Variants in PPP2R2C observed in about 807,000 individuals in gnomAD.
The protein encoded by PPP2R2C is protein phosphatase 2 regulatory subunit Bgamma.
Under a neutral mutation model 45.3 loss-of-function variants are expected in PPP2R2C, and 10 were observed. The ratio of observed to expected loss-of-function variants is 0.22; its 90% confidence interval spans 0.14 to 0.37. The LOEUF is 0.37. Among genes scored for constraint, PPP2R2C ranks in the 10% least tolerant of loss-of-function variants. The probability of loss-of-function intolerance (pLI) is 1.00; values close to 1 mark genes in which losing one functional copy is unlikely to be tolerated. For missense variants in PPP2R2C, 308 were observed against 619.7 expected (o/e 0.50, Z 5.34); for synonymous variants, 257 against 245.4 (o/e 1.05, Z -0.44).
chr4:6,370,318 A>G (rs1311657284), intron 5 of PPP2R2C, among the ~76,000 whole-genome samples: 1 of 152,242 alleles, frequency 6.6e-6, no homozygotes, highest in Non-Finnish European at 1.5e-5. Flanking sequence ...CTGAGCACCA[A>G]GTGAGACAAC....
At chr4:6,436,738 ACC>A (rs1719916790) in intron 1 of PPP2R2C, among the ~76,000 whole-genome samples, 1 of 152,158 alleles carries the variant, frequency 6.6e-6, no homozygotes, top group African/African-American at 2.4e-5. Flanking sequence ...CAACTACTCA[ACC>A]CTGCTGTTGT....
chr4:6,455,837 C>A (rs1415261177), intron 1 of PPP2R2C, among the ~76,000 whole-genome samples: 1 of 152,182 alleles, frequency 6.6e-6, no homozygotes, highest in Non-Finnish European at 1.5e-5. Flanking sequence ...GCCCCCTCCC[C>A]CTGCTGCCTA....
intron 1 of PPP2R2C, chr4:6,421,091 C>A: frequency 1.0e-6 from 1 of 985,254 alleles, no homozygotes; most frequent in African/African-American, 1.7e-5. Flanking sequence ...GAGGCCACAC[C>A]TTTCTCTCTG....
rs573793541 is a variant in PPP2R2C, at chr4:6,364,606, T to C, written c.625+7917A>G. 6.6e-6 allele frequency among the ~76,000 whole-genome samples: 1 copy of C among 152,130 alleles called. No homozygotes were observed. The highest frequency in any genetic ancestry group is 2.4e-5 in the African/African-American group (1 of 41,498). On this transcript the variant is annotated intron_variant, in intron 5 of 8. Coordinates refer to ENST00000382599, the MANE Select transcript of PPP2R2C (RefSeq NM_020416.4). The surrounding 1 kb of genome is among the most constrained non-coding windows in gnomAD (Gnocchi z 5.3). ...GGCACTGCCCTAAAGGCTTCCCAGA[T>C]GTCATCGTAGCACCCAGTCCTCAAG...
chr4:6,436,792 TGACTGCA>T, intron 1 of PPP2R2C, among the ~76,000 whole-genome samples: 5 of 152,240 alleles, frequency 3.3e-5, no homozygotes, highest in African/African-American at 1.2e-4. Context: ...CACATAGGTG[TGACTGCA>T]TCTTCATTTA....
At chr4:6,538,511 A>C (rs1724704784) in intron 1 of PPP2R2C, among the ~76,000 whole-genome samples, 1 of 151,172 alleles carries the variant, frequency 6.6e-6, no homozygotes, top group South Asian at 2.1e-4. Context: ...GGAAGGGAAC[A>C]AAATCAATCC....
chr4:6,506,850 G>A (rs139934920), intron 2 of PPP2R2C, among the ~76,000 whole-genome samples: 73 of 152,322 alleles, frequency 4.8e-4, no homozygotes, highest in African/African-American at 1.8e-3. Flanking sequence ...CTGGCCATCA[G>A]CTGGGAGTTC....
At chr4:6,350,739 A>G (rs1382961694) in intron 5 of PPP2R2C, 2 of 985,240 alleles carry the variant, frequency 2.0e-6, no homozygotes, top group East Asian at 1.1e-4. Flanking sequence ...CTGCCAATGA[A>G]TAGACAAGTG....
At chr4:6,553,491 C>T (rs531490829) in intron 1 of PPP2R2C, among the ~76,000 whole-genome samples, 4 of 152,354 alleles carry the variant, frequency 2.6e-5, no homozygotes, top group East Asian at 1.9e-4. Flanking sequence ...TTGAGGGAGA[C>T]GCCACTTCAG....
chr4:6,480,327 A>C (rs1163884276), intron 2 of PPP2R2C, among the ~76,000 whole-genome samples: 1 of 152,182 alleles, frequency 6.6e-6, no homozygotes, highest in Non-Finnish European at 1.5e-5. Context: ...AAAACAATCA[A>C]TGGTGTGCCG....
chr4:6,344,322 C>A (rs1020952710), intron 6 of PPP2R2C, among the ~76,000 whole-genome samples: 1 of 152,224 alleles, frequency 6.6e-6, no homozygotes, highest in Admixed American at 6.5e-5. Flanking sequence ...ATTTCTCGCA[C>A]TGTTGAGTTC....
intron 2 of PPP2R2C, among the ~76,000 whole-genome samples, chr4:6,488,765 T>C (rs2108783915): frequency 6.8e-6 from 1 of 147,406 alleles, no homozygotes; most frequent in Non-Finnish European, 1.5e-5. Context: ...AAATTATCAA[T>C]CTAGGACTAA....
At chr4:6,421,517 TC>T (rs1345487746) in intron 1 of PPP2R2C, among the ~76,000 whole-genome samples, 1 of 152,144 alleles carries the variant, frequency 6.6e-6, no homozygotes, top group Non-Finnish European at 1.5e-5. Context: ...CTGAGTGTCA[TC>T]CGCTTTGCAC....
At chr4:6,409,711 T>C (rs2109364720) in intron 1 of PPP2R2C, among the ~76,000 whole-genome samples, 1 of 152,230 alleles carries the variant, frequency 6.6e-6, no homozygotes, top group East Asian at 1.9e-4. Flanking sequence ...CTGGAGACAC[T>C]AAGGTTGGTC....
intron 2 of PPP2R2C, among the ~76,000 whole-genome samples, chr4:6,511,759 GTGGTGA>G (rs1723545013): frequency 2.0e-5 from 1 of 49,338 alleles, no homozygotes; most frequent in African/African-American, 6.9e-5. Context: ...GGCAATGGTG[GTGGTGA>G]TGGTGATGGT....
At chr4:6,362,480 G>A (rs1261011025) in intron 5 of PPP2R2C, among the ~76,000 whole-genome samples, 1 of 152,232 alleles carries the variant, frequency 6.6e-6, no homozygotes, top group Non-Finnish European at 1.5e-5. Context: ...GCTACTGACA[G>A]CCATGCTCAT....
At chr4:6,396,177 C>T (rs564286955) in intron 1 of PPP2R2C, among the ~76,000 whole-genome samples, 4 of 152,308 alleles carry the variant, frequency 2.6e-5, no homozygotes, top group Admixed American at 1.3e-4. Context: ...CAGGAGCAGG[C>T]TGCTTCTCTG....
chr4:6,467,665 G>C (rs1721660525), intron 1 of PPP2R2C, among the ~76,000 whole-genome samples: 1 of 152,194 alleles, frequency 6.6e-6, no homozygotes, highest in Non-Finnish European at 1.5e-5. Flanking sequence ...TGGTTTTCTT[G>C]ATAAGCAGTC....
At chr4:6,476,225 C>G (rs1722139468), upstream of PPP2R2C, among the ~76,000 whole-genome samples, 1 of 152,224 alleles carries the variant, frequency 6.6e-6, no homozygotes, top group African/African-American at 2.4e-5. Context: ...ATCTAACCAC[C>G]AAGTCAGGAA....
Sources: allele counts gnomAD v4.1 joint callset (sites outside exome capture counted in the v4.1 genomes callset), GRCh38; gene constraint gnomAD v4.1.1; non-coding constraint Gnocchi (gnomAD v3.1); transcripts MANE v1.5; gene names NCBI Gene and HGNC (gene_info 2026-07-23, HGNC 2026-07-21).